ICAM1: variants seen among roughly 807,000 people sequenced by gnomAD.
ICAM1 encodes the protein ICAM-1.
In ICAM1, 28 loss-of-function variants were observed where a neutral mutation model predicts 42.3. That is an observed-to-expected ratio of 0.66 (90% CI 0.49 to 0.91). The LOEUF is 0.91. Among genes scored for constraint, ICAM1 ranks in the 40% least tolerant of loss-of-function variants. ICAM1 has a pLI of 0.00. For missense variants in ICAM1, 637 were observed against 688.6 expected (o/e 0.93, Z 0.84); for synonymous variants, 304 against 305.9 (o/e 0.99, Z 0.07).
chr19:10,274,079 A>T (rs1341830237), intron 1 of ICAM1, among the ~76,000 whole-genome samples: 1 of 151,570 alleles, frequency 6.6e-6, no homozygotes, highest in Non-Finnish European at 1.5e-5. Flanking sequence ...ATCTTCCTGA[A>T]TTAATCTCCC....
intron 2 of ICAM1, among the ~76,000 whole-genome samples, chr19:10,275,400 G>A (rs1014180337): frequency 2.0e-5 from 3 of 152,136 alleles, no homozygotes; most frequent in Non-Finnish European, 4.4e-5. Context: ...GGAAGGCTGA[G>A]GCAGGAGAAC....
At chr19:10,280,341 G>T (rs1019827836) in intron 2 of ICAM1, among the ~76,000 whole-genome samples, 3 of 151,778 alleles carry the variant, frequency 2.0e-5, no homozygotes, top group Admixed American at 6.6e-5. Context: ...ATATTTTTTT[G>T]TTTTTGTTTT....
chr19:10,275,349 C>G (rs2040008959), intron 2 of ICAM1, among the ~76,000 whole-genome samples: 2 of 152,070 alleles, frequency 1.3e-5, no homozygotes, highest in Admixed American at 6.6e-5. Context: ...ATACAAAAAT[C>G]AGCCGGGCAT....
In ICAM1 at chr19:10,285,813, CTATT is replaced by C. The variant is rs1178346816; in HGVS notation, c.*531_*534del. 6.3e-6 allele frequency: 1 copy of C among 159,372 alleles called. No homozygotes were observed. The highest frequency in any genetic ancestry group is 1.8e-4 in the East Asian group (1 of 5,520). The allele number at this position is 159,372 out of a possible 1,614,324, so 9.9% of individuals were successfully genotyped here. On this transcript the variant is annotated 3_prime_UTR_variant, in exon 7 of 7. Transcript: ENST00000264832. ...ATTTATTCATTTGTTATTTTACCAG[CTATT>C]TATTGAGTGTCTTTTATGTAGGCTA...
At chr19:10,276,570 G>A (rs1194806276) in intron 2 of ICAM1, among the ~76,000 whole-genome samples, 2 of 139,928 alleles carry the variant, frequency 1.4e-5, no homozygotes, top group Non-Finnish European at 1.6e-5. Flanking sequence ...AAAAAGAATT[G>A]ATAACAGCTG....
intron 2 of ICAM1, among the ~76,000 whole-genome samples, chr19:10,281,810 A>G (rs1021087936): frequency 6.7e-6 from 1 of 148,360 alleles, no homozygotes; most frequent in African/African-American, 2.5e-5. Context: ...GTTCACTGCA[A>G]TCTCTGCCTC....
At position 10,284,025 on chromosome 19, in the gene ICAM1, C is replaced by A. The variant is rs371026040; in HGVS notation, c.638-8C>A. ...CCCTGTCTGCTCACACCTTTCTTCT[C>A]TCCCTAGTCCTGCCAGCGACTCCCC... On this transcript the variant is annotated splice_region_variant and splice_polypyrimidine_tract_variant and intron_variant, in intron 3 of 6. Coordinates refer to ENST00000264832, the MANE Select transcript of ICAM1 (RefSeq NM_000201.3). The surrounding 1 kb of genome is among the most constrained non-coding windows in gnomAD (Gnocchi z 5.4). 1.9e-6 allele frequency: 3 copies of A among 1,609,054 alleles called. No individual in the cohort carries two copies. The highest frequency in any genetic ancestry group is 2.2e-5 in the South Asian group (2 of 90,868).
Position 10,285,458 on chromosome 19 carries a change from C to T in ICAM1, c.*171C>T. 1 of 625,128 alleles carries T rather than the reference C, an allele frequency of 1.6e-6. No homozygotes were observed. Among genetic ancestry groups the T allele is most frequent in the Non-Finnish European group, 2.8e-6 (1 of 355,662 alleles). The allele number at this position is 625,128 out of a possible 1,614,324, so 38.7% of individuals were successfully genotyped here. On this transcript the variant is annotated 3_prime_UTR_variant, in exon 7 of 7. Coordinates refer to ENST00000264832, the MANE Select transcript of ICAM1 (RefSeq NM_000201.3). ...ACAACAGCATTTGGGGCCATGGTAC[C>T]TGCACACCTAAAACACTAGGCCACG...
chr19:10,284,420 G>C lies in ICAM1; in HGVS notation c.943G>C (p.Val315Leu). The change falls in exon 5 of 7, where the codon GTG becomes CTG. Residue 315 changes from valine to leucine, a missense_variant. Transcript: ENST00000264832. This position sits in a 1 kb window ranked among gnomAD's most constrained non-coding sequence, Gnocchi z 5.4. ...TATTCCAGGCTTTCCGGCGCCCAAC[G>C]TGATTCTGACGAAGCCAGAGGTCTC... ...VTIYSFPAPN[V>L]ILTKPEVSEG... 1 of 1,613,486 alleles carries C rather than the reference G, an allele frequency of 6.2e-7. No individual in the cohort carries two copies. Among genetic ancestry groups the C allele is most frequent in the Non-Finnish European group, 8.5e-7 (1 of 1,180,026 alleles).
At chr19:10,280,133 C>G (rs2040045616) in intron 2 of ICAM1, among the ~76,000 whole-genome samples, 2 of 152,104 alleles carry the variant, frequency 1.3e-5, no homozygotes, top group African/African-American at 4.8e-5. Flanking sequence ...CTTCAGTGAC[C>G]AGGATTTGGT....
In ICAM1 at chr19:10,285,329, T is replaced by C; in HGVS notation, c.*42T>C. The C allele has an allele frequency of 6.3e-7, 1 of 1,574,996 alleles. No individual in the cohort carries two copies. Among genetic ancestry groups the C allele is most frequent in the Non-Finnish European group, 8.7e-7 (1 of 1,150,788 alleles). On this transcript the variant is annotated 3_prime_UTR_variant, in exon 7 of 7. Coordinates refer to ENST00000264832, the MANE Select transcript of ICAM1 (RefSeq NM_000201.3). The stretch of plus-strand genomic sequence containing the variant: ...GGCCTCTTCCTCGGCCTTCCCATAT[T>C]GGTGGCAGTGGTGCCACACTGAACA...
At chr19:10,283,434 C>CT in intron 2 of ICAM1, 47 bp from the exon 3 acceptor site, 1 of 1,504,990 alleles carries the variant, frequency 6.6e-7, no homozygotes, top group Non-Finnish European at 8.9e-7. Flanking sequence ...GTTAGGCAGG[C>CT]AGCAAGGTCC....
At chr19:10,281,773 A>G (rs2040061396) in intron 2 of ICAM1, among the ~76,000 whole-genome samples, 1 of 136,708 alleles carries the variant, frequency 7.3e-6, no homozygotes, top group Non-Finnish European at 1.5e-5. Context: ...TCTGTCACTC[A>G]GTCTAGAGTA....
chr19:10,274,637 C>T lies in ICAM1; in HGVS notation c.68-128C>T, dbSNP rs1182216274. 4 of 1,094,036 alleles carry T rather than the reference C, an allele frequency of 3.7e-6. No homozygotes were observed. In the African/African-American group the frequency reaches 4.8e-5, roughly 13 times the overall value. The allele number at this position is 1,094,036 out of a possible 1,614,324, so 67.8% of individuals were successfully genotyped here. ...GCCTGCTCATGAATTTTCTCTTTAA[C>T]TTCCACATCGAAGGCAAAGTATTGT... On this transcript the variant is annotated intron_variant, in intron 1 of 6. Coordinates refer to ENST00000264832, the MANE Select transcript of ICAM1 (RefSeq NM_000201.3).
intron 2 of ICAM1, among the ~76,000 whole-genome samples, chr19:10,277,738 G>T (rs182768325): frequency 6.6e-6 from 1 of 152,068 alleles, no homozygotes; most frequent in African/African-American, 2.4e-5. Context: ...TGCCCGCCTC[G>T]GCCTCCCAAA....
intron 2 of ICAM1, among the ~76,000 whole-genome samples, chr19:10,275,923 T>A (rs62130660): frequency 6.6e-6 from 1 of 150,728 alleles, no homozygotes; most frequent in Non-Finnish European, 1.5e-5. Flanking sequence ...TTAGCCAGGA[T>A]GGTCTCAATC....
At position 10,283,633 on chromosome 19, in the gene ICAM1, G is replaced by A; in HGVS notation, c.484G>A (p.Ala162Thr). Residue 162 changes from alanine (A) to threonine (T), a missense_variant, in exon 3 of 7, where the codon GCT (alanine) becomes ACT (threonine). Ala to Thr is a moderately conservative substitution (Grantham distance 58). Coordinates refer to ENST00000264832, the MANE Select transcript of ICAM1 (RefSeq NM_000201.3). ...GGAGAAGGAGCTGAAACGGGAGCCAGCTGTGGGGGAGCCCGCTGAGGTCAC... is the reference window on the plus strand; with the variant it reads ...GGAGAAGGAGCTGAAACGGGAGCCAACTGTGGGGGAGCCCGCTGAGGTCAC... The part of the protein sequence containing the change: ...RGEKELKREP[A>T]VGEPAEVTTT... 6.2e-7 allele frequency: 1 copy of A among 1,614,012 alleles called. No individual in the cohort carries two copies. The highest frequency in any genetic ancestry group is 8.5e-7 in the Non-Finnish European group (1 of 1,179,970).
chr19:10,284,059 G>T lies in ICAM1; in HGVS notation c.664G>T (p.Val222Phe), dbSNP rs1238479170. Residue 222 changes from valine (V) to phenylalanine (F), a missense_variant, in exon 4 of 7, where the codon GTC (valine) becomes TTC (phenylalanine). By Grantham distance (50) the Val-to-Phe change is conservative. Coordinates refer to ENST00000264832, the MANE Select transcript of ICAM1 (RefSeq NM_000201.3). The surrounding 1 kb of genome is among the most constrained non-coding windows in gnomAD (Gnocchi z 5.4). ...FVLPATPPQLVSPRVLEVDTQ... is the reference protein window; with the variant it reads ...FVLPATPPQLFSPRVLEVDTQ... ...CCTGCCAGCGACTCCCCCACAACTT[G>T]TCAGCCCCCGGGTCCTAGAGGTGGA... 1.9e-6 allele frequency: 3 copies of T among 1,613,720 alleles called. No individual in the cohort carries two copies. Among genetic ancestry groups the T allele is most frequent in the Non-Finnish European group, 2.5e-6 (3 of 1,179,796 alleles).
In ICAM1 at chr19:10,285,010, G is replaced by A. The variant is rs1242930269; in HGVS notation, c.1408G>A (p.Val470Met). The change falls in exon 6 of 7, where the codon GTG (valine) becomes ATG (methionine). Residue 470 changes from valine (V) to methionine (M), a missense_variant. Coordinates refer to ENST00000264832, the MANE Select transcript of ICAM1 (RefSeq NM_000201.3). The stretch of plus-strand genomic sequence containing the variant: ...CACTCAAGGGGAGGTCACCCGCAAG[G>A]TGACCGTGAATGTGCTCTGTGAGTG... ...RSTQGEVTRK[V>M]TVNVLSPRYE... The A allele has an allele frequency of 2.5e-6, 4 of 1,613,734 alleles. No individual in the cohort carries two copies. Among genetic ancestry groups the A allele is most frequent in the Non-Finnish European group, 3.4e-6 (4 of 1,179,918 alleles).
Sources: gnomAD v4.1 joint callset for allele counts (sites outside exome capture counted in the v4.1 genomes callset) on GRCh38, gnomAD v4.1.1 for gene constraint, Gnocchi (gnomAD v3.1) non-coding constraint, MANE v1.5 for transcripts, NCBI Gene and HGNC (gene_info 2026-07-23, HGNC 2026-07-21) for gene names.